Variants in ANK3 observed in about 807,000 individuals in gnomAD.
ANK3 encodes the protein ankyrin-3.
Under a neutral mutation model 370.9 loss-of-function variants are expected in ANK3, and 57 were observed. The ratio of observed to expected loss-of-function variants is 0.15; its 90% confidence interval spans 0.12 to 0.19. ANK3 has a LOEUF of 0.19. Among genes scored for constraint, ANK3 ranks in the 10% least tolerant of loss-of-function variants. The pLI, the probability that ANK3 is intolerant of heterozygous loss-of-function variation, is 1.00. For missense variants in ANK3, 4,439 were observed against 5,302.1 expected (o/e 0.84, Z 5.06); for synonymous variants, 1,929 against 1,946.3 (o/e 0.99, Z 0.23).
At chr10:60,092,486 C>T (rs910288144) in intron 28 of ANK3, among the ~76,000 whole-genome samples, 1 of 152,128 alleles carries the variant, frequency 6.6e-6, no homozygotes, top group Non-Finnish European at 1.5e-5. Context: ...AAATTATCAA[C>T]TAGGAGAGAA....
chr10:60,599,844 C>T (rs886687044), intron 2 of ANK3, among the ~76,000 whole-genome samples: 1 of 152,108 alleles, frequency 6.6e-6, no homozygotes, highest in Non-Finnish European at 1.5e-5. Flanking sequence ...TGGACAAGGC[C>T]CTGCCTTCCT....
intron 32 of ANK3, 88 bp from the exon 33 acceptor site, chr10:60,083,705 A>G (rs879739139): frequency 6.0e-6 from 7 of 1,162,776 alleles, no homozygotes; most frequent in African/African-American, 3.1e-5. Flanking sequence ...TAAAAGACTG[A>G]CGTTACTATG....
At chr10:60,085,894 C>T (rs1033537976) in intron 30 of ANK3, among the ~76,000 whole-genome samples, 1 of 152,092 alleles carries the variant, frequency 6.6e-6, no homozygotes, top group Non-Finnish European at 1.5e-5. Context: ...GGATTACAGG[C>T]GTGAGCCACC....
intron 1 of ANK3, among the ~76,000 whole-genome samples, chr10:60,337,544 C>CT (rs972957304): frequency 6.6e-6 from 1 of 152,146 alleles, no homozygotes; most frequent in Non-Finnish European, 1.5e-5. Flanking sequence ...CATGTCTCCT[C>CT]TTTGACCCCA....
At chr10:60,536,434 C>T (rs756103314) in intron 2 of ANK3, among the ~76,000 whole-genome samples, 1 of 152,126 alleles carries the variant, frequency 6.6e-6, no homozygotes, top group East Asian at 1.9e-4. Flanking sequence ...AATTCATCCG[C>T]TTTCCTTCTT....
chr10:60,340,330 G>A (rs992189242), intron 1 of ANK3, among the ~76,000 whole-genome samples: 2 of 152,186 alleles, frequency 1.3e-5, no homozygotes, highest in Non-Finnish European at 2.9e-5. Context: ...AACTACTGGA[G>A]TCAGGCAATC....
At chr10:60,494,383 C>G (rs2075600712) in intron 2 of ANK3, among the ~76,000 whole-genome samples, 2 of 152,140 alleles carry the variant, frequency 1.3e-5, no homozygotes, top group Admixed American at 1.3e-4. Context: ...TATGAAGGCA[C>G]TGCATGTGTG....
At chr10:60,513,636 A>G (rs1214633864) in intron 2 of ANK3, among the ~76,000 whole-genome samples, 3 of 152,100 alleles carry the variant, frequency 2.0e-5, no homozygotes, top group Non-Finnish European at 4.4e-5. Flanking sequence ...CAACAAATCA[A>G]TCTCTCCCTA....
At chr10:60,173,067 A>G in intron 19 of ANK3, 21 bp downstream of exon 19, 1 of 1,610,678 alleles carries the variant, frequency 6.2e-7, no homozygotes. Context: ...TCTGGCAGAA[A>G]CAAAAAAGGA....
chr10:60,137,381 A>AAAAAAAC (rs2094396635), intron 24 of ANK3: 1 of 368,746 alleles, frequency 2.7e-6, no homozygotes, highest in Non-Finnish European at 5.3e-6. Context: ...TAGGAAAAAA[A>AAAAAAAC]AAAAAAAAAA....
Position 60,647,788 on chromosome 10 carries a change from T to C in ANK3, c.58-32564A>G, listed in dbSNP as rs187669984. On this transcript the variant is annotated intron_variant, in intron 1 of 43. Transcript: ENST00000373827. ...AGAGGAAAACATTTCCCTTTTCAAC[T>C]GAAACCACATTTTTAGGAATAAAAA... Among the ~76,000 whole-genome samples the C allele has an allele frequency of 5.7e-3, 860 of 151,976 alleles. 3 individuals are homozygous for C. Among genetic ancestry groups the C allele is most frequent in the Non-Finnish European group, 8.7e-3 (594 of 67,984 alleles).
At position 60,140,784 on chromosome 10, in the gene ANK3, T is replaced by C. The variant is rs2094526193; in HGVS notation, c.2615-1697A>G. ...TATGTAAATATGAGGACTGCTCCGGTGTAGACTTTCGGTAATTTGATACCA... is the reference window on the plus strand; with the variant it reads ...TATGTAAATATGAGGACTGCTCCGGCGTAGACTTTCGGTAATTTGATACCA... On this transcript the variant is annotated intron_variant, in intron 23 of 43. Coordinates refer to ENST00000280772, the MANE Select transcript of ANK3 (RefSeq NM_020987.5). 2.9e-6 allele frequency: 3 copies of C among 1,023,042 alleles called. No individual in the cohort carries two copies. In the East Asian group the frequency reaches 2.7e-4, roughly 93 times the overall value. The allele number at this position is 1,023,042 out of a possible 1,614,324, so 63.4% of individuals were successfully genotyped here.
At chr10:60,046,281 A>C (rs2076946207) in intron 42 of ANK3, among the ~76,000 whole-genome samples, 1 of 152,244 alleles carries the variant, frequency 6.6e-6, no homozygotes. Flanking sequence ...GGACAGCAAA[A>C]AAAGCCAATA....
chr10:60,371,668 C>T (rs2060127565), intron 1 of ANK3, among the ~76,000 whole-genome samples: 2 of 152,144 alleles, frequency 1.3e-5, no homozygotes, highest in African/African-American at 4.8e-5. Context: ...TACATACTTG[C>T]TAGTATCTAA....
At chr10:60,470,439 G>A (rs1237861732) in intron 2 of ANK3, among the ~76,000 whole-genome samples, 2 of 143,464 alleles carry the variant, frequency 1.4e-5, no homozygotes, top group South Asian at 2.4e-4. Context: ...ATATCAATGC[G>A]GTATTATGTT....
At chr10:60,467,832 T>C (rs1447023360) in intron 2 of ANK3, among the ~76,000 whole-genome samples, 2 of 152,148 alleles carry the variant, frequency 1.3e-5, no homozygotes, top group Non-Finnish European at 2.9e-5. Flanking sequence ...TTATAGACTG[T>C]TTATGAATAC....
intron 2 of ANK3, among the ~76,000 whole-genome samples, chr10:60,425,258 T>C (rs1472847925): frequency 6.6e-6 from 1 of 152,050 alleles, no homozygotes; most frequent in Non-Finnish European, 1.5e-5. Flanking sequence ...GACTTGTGTT[T>C]TAGACCAATA....
chr10:60,140,128 C>CA, intron 23 of ANK3: 2 of 569,562 alleles, frequency 3.5e-6, no homozygotes. Flanking sequence ...TTCATTTAAA[C>CA]TCAGGAAACC....
At chr10:60,134,080 T>C (rs980633188) in intron 25 of ANK3, among the ~76,000 whole-genome samples, 191 bp downstream of exon 25, 1 of 152,184 alleles carries the variant, frequency 6.6e-6, no homozygotes, top group South Asian at 2.1e-4. Context: ...CCTATCTTCC[T>C]CACCTGCAGA....
Sources: allele counts gnomAD v4.1 joint callset (sites outside exome capture counted in the v4.1 genomes callset), GRCh38; gene constraint gnomAD v4.1.1; transcripts MANE v1.5; gene names NCBI Gene and HGNC (gene_info 2026-07-23, HGNC 2026-07-21).